RFFL: variants seen among roughly 807,000 people sequenced by gnomAD.
RFFL encodes the protein E3 ubiquitin-protein ligase rififylin.
A neutral mutation model predicts 40.4 loss-of-function variants in RFFL; 16 were observed. The observed-to-expected ratio is 0.40, with a 90% CI of 0.27 to 0.60. The LOEUF (loss-of-function observed/expected upper bound fraction) is 0.60. Among genes scored for constraint, RFFL ranks in the 20% least tolerant of loss-of-function variants. RFFL has a pLI of 0.47. For missense variants in RFFL, 367 were observed against 451.7 expected (o/e 0.81, Z 1.70); for synonymous variants, 154 against 167.9 (o/e 0.92, Z 0.64).
chr17:35,050,039 G>A (rs1218205951), intron 1 of RFFL, among the ~76,000 whole-genome samples: 2 of 149,962 alleles, frequency 1.3e-5, no homozygotes, highest in East Asian at 2.0e-4. Context: ...CTGAGATCAC[G>A]CCATTGCACT....
intron 1 of RFFL, among the ~76,000 whole-genome samples, chr17:35,044,792 G>GA (rs955239792): frequency 4.6e-5 from 7 of 152,022 alleles, no homozygotes; most frequent in Admixed American, 4.6e-4. Context: ...TCTCAGCCTG[G>GA]AGCACTGTTG....
intron 1 of RFFL, among the ~76,000 whole-genome samples, chr17:35,044,157 T>C (rs1204801241): frequency 6.6e-6 from 1 of 152,200 alleles, no homozygotes; most frequent in African/African-American, 2.4e-5. Flanking sequence ...GGCACCATCA[T>C]AGCAAACTGT....
chr17:35,056,586 A>G (rs2142363313), intron 1 of RFFL, among the ~76,000 whole-genome samples: 1 of 152,214 alleles, frequency 6.6e-6, no homozygotes, highest in South Asian at 2.1e-4. Context: ...CATGTTGGTC[A>G]GGCTGGTCTC....
chr17:35,053,487 T>C (rs1402616193), intron 1 of RFFL, among the ~76,000 whole-genome samples: 1 of 152,194 alleles, frequency 6.6e-6, no homozygotes, highest in South Asian at 2.1e-4. Context: ...CAAGGTTATT[T>C]CACAAAGCTT....
chr17:35,043,596 T>C (rs541774647), intron 1 of RFFL, among the ~76,000 whole-genome samples: 5 of 152,186 alleles, frequency 3.3e-5, no homozygotes, highest in Non-Finnish European at 5.9e-5. Context: ...ATCAAAACTT[T>C]AGACATGACA....
Position 35,021,799 on chromosome 17 carries a change from C to T in RFFL, c.181-18G>A, listed in dbSNP as rs1020141464. The T allele has an allele frequency of 3.1e-6, 5 of 1,613,900 alleles. No individual in the cohort carries two copies. The highest frequency in any genetic ancestry group is 4.2e-6 in the Non-Finnish European group (5 of 1,179,764). ...CAGGTCTGCTGCTTAGAGCAAAAGA[C>T]ACAGGAAACCATGTCAGATTGAGAG... On this transcript the variant is annotated intron_variant, in intron 2 of 6. Coordinates refer to ENST00000394597, the MANE Select transcript of RFFL (RefSeq NM_001017368.2).
At chr17:35,036,292 C>A (rs1435930500) in intron 1 of RFFL, 1 of 152,120 alleles carries the variant, frequency 6.6e-6, no homozygotes, top group Non-Finnish European at 1.5e-5. Context: ...AGAAAGAATT[C>A]TCCCTAAGGT....
At chr17:35,058,312 T>C (rs930172089) in intron 1 of RFFL, among the ~76,000 whole-genome samples, 152 of 152,324 alleles carry the variant, frequency 1.0e-3, no homozygotes, top group African/African-American at 3.4e-3. Context: ...CAGGAGACAC[T>C]GAGTCACTGG....
intron 2 of RFFL, 141 bp from the exon 3 acceptor site, chr17:35,021,922 A>T: frequency 1.3e-6 from 1 of 788,948 alleles, no homozygotes; most frequent in Non-Finnish European, 2.0e-6. Flanking sequence ...CATATATCTA[A>T]GGGTGCAAGC....
At chr17:35,051,363 T>A (rs1273203492) in intron 1 of RFFL, among the ~76,000 whole-genome samples, 2 of 152,166 alleles carry the variant, frequency 1.3e-5, no homozygotes, top group African/African-American at 4.8e-5. Context: ...GACAAACACA[T>A]CCTGTTTGCA....
intron 1 of RFFL, among the ~76,000 whole-genome samples, chr17:35,078,748 G>C (rs1280737415): frequency 6.6e-6 from 1 of 152,192 alleles, no homozygotes; most frequent in African/African-American, 2.4e-5. Flanking sequence ...GGGAGGCCGA[G>C]GCAGACAGAT....
chr17:35,022,997 C>A (rs1018427050), intron 2 of RFFL, among the ~76,000 whole-genome samples: 2 of 152,206 alleles, frequency 1.3e-5, no homozygotes, highest in Non-Finnish European at 2.9e-5. Context: ...CCTCTCACCC[C>A]ACAGGCTGAG....
At chr17:35,079,043 A>T (rs974223610) in intron 1 of RFFL, among the ~76,000 whole-genome samples, 2 of 152,154 alleles carry the variant, frequency 1.3e-5, no homozygotes, top group African/African-American at 4.8e-5. Context: ...ACACACAAAC[A>T]TTTAACTAGT....
At chr17:35,015,737 A>G (rs184535489) in intron 5 of RFFL, among the ~76,000 whole-genome samples, 3 of 152,368 alleles carry the variant, frequency 2.0e-5, no homozygotes, top group Admixed American at 2.0e-4. Context: ...GCTAAGTTCA[A>G]AACAGCCAAA....
chr17:35,070,331 G>A (rs2091341500), intron 1 of RFFL, among the ~76,000 whole-genome samples: 1 of 152,074 alleles, frequency 6.6e-6, no homozygotes, highest in Admixed American at 6.5e-5. Flanking sequence ...CACCATGCCT[G>A]GCTAATTCTT....
chr17:35,040,302 G>A (rs550348222), intron 1 of RFFL, among the ~76,000 whole-genome samples: 11 of 152,176 alleles, frequency 7.2e-5, no homozygotes, highest in African/African-American at 2.6e-4. Context: ...ACCTCAGGTT[G>A]CTTTAAATAC....
At position 35,012,118 on chromosome 17, in the gene RFFL, G is replaced by A; in HGVS notation, c.942C>T (p.Asn314=). The A allele has an allele frequency of 1.9e-6, 3 of 1,614,114 alleles. No individual in the cohort carries two copies. The highest frequency in any genetic ancestry group is 2.7e-5 in the African/African-American group (2 of 75,006). ...GGAVPSGLEE[N]LCKICMDSPI... is the part of the protein sequence containing the mutation. The stretch of plus-strand genomic sequence containing the variant: ...GTGAGTCCATGCAGATCTTACACAG[G>A]TTCTCCTCCAAGCCTGATGGTACTG... The change falls in exon 7 of 7, where the codon AAC becomes AAT. Residue 314 remains asparagine (N), a synonymous_variant. Transcript: ENST00000394597.
intron 1 of RFFL, among the ~76,000 whole-genome samples, chr17:35,053,527 G>C (rs891075433): frequency 6.6e-6 from 1 of 152,164 alleles, no homozygotes; most frequent in Non-Finnish European, 1.5e-5. Context: ...TAGCAGCTAG[G>C]GGTAGGGGCT....
chr17:35,035,990 C>T (rs1170489549), intron 1 of RFFL, among the ~76,000 whole-genome samples: 1 of 151,984 alleles, frequency 6.6e-6, no homozygotes, highest in Admixed American at 6.6e-5. Context: ...GGCATGAGCA[C>T]CATGCCCGGC....
Sources: allele counts gnomAD v4.1 joint callset (sites outside exome capture counted in the v4.1 genomes callset), GRCh38; gene constraint gnomAD v4.1.1; transcripts MANE v1.5; gene names NCBI Gene and HGNC (gene_info 2026-07-23, HGNC 2026-07-21).